GRIK1: variants seen among roughly 807,000 people sequenced by gnomAD.
GRIK1 encodes the protein glutamate ionotropic receptor kainate type subunit 1, also known as glutamate receptor ionotropic, kainate 1.
Under a neutral mutation model 105.7 loss-of-function variants are expected in GRIK1, and 69 were observed. That is an observed-to-expected ratio of 0.65 (90% CI 0.54 to 0.80). The LOEUF (loss-of-function observed/expected upper bound fraction) is 0.80. GRIK1 is among the 30% of genes least tolerant of loss of function. GRIK1 has a pLI of 0.00. For synonymous variants in GRIK1, 438 were observed against 431.3 expected, an observed-to-expected ratio of 1.02 and a Z score of -0.19; for missense variants, 1,109 against 1,167.3, an observed-to-expected ratio of 0.95 and a Z score of 0.73.
At chr21:29,903,068 T>G (rs1243015742) in intron 1 of GRIK1, among the ~76,000 whole-genome samples, 3 of 152,220 alleles carry the variant, frequency 2.0e-5, no homozygotes, top group Admixed American at 6.5e-5. Context: ...TTGGGAAAAC[T>G]GGCTAGCCAT....
intron 1 of GRIK1, among the ~76,000 whole-genome samples, chr21:29,790,724 A>T (rs2066390880): frequency 6.6e-6 from 1 of 152,188 alleles, no homozygotes; most frequent in African/African-American, 2.4e-5. Flanking sequence ...GAGTGCTGGG[A>T]TTACAGGGAT....
At chr21:29,878,352 G>A (rs2069269910) in intron 1 of GRIK1, among the ~76,000 whole-genome samples, 1 of 152,096 alleles carries the variant, frequency 6.6e-6, no homozygotes, top group Non-Finnish European at 1.5e-5. Context: ...GCTAGGAGAT[G>A]GAGACAAGAA....
chr21:29,864,939 A>G (rs2068754812), intron 1 of GRIK1, among the ~76,000 whole-genome samples: 1 of 152,164 alleles, frequency 6.6e-6, no homozygotes, highest in Non-Finnish European at 1.5e-5. Context: ...TATTTAAGGG[A>G]CAGAGGCCAA....
At chr21:29,784,090 A>T (rs1408247369) in intron 1 of GRIK1, among the ~76,000 whole-genome samples, 2 of 152,150 alleles carry the variant, frequency 1.3e-5, no homozygotes, top group Non-Finnish European at 2.9e-5. Context: ...GTTGTTTTTT[A>T]AAAATAGTAT....
In GRIK1 at chr21:29,939,734, C is replaced by T. The variant is rs902878942; in HGVS notation, c.-234G>A. On this transcript the variant is annotated 5_prime_UTR_variant, in exon 1 of 18. Transcript: ENST00000327783. ...TGTCGCTAGCCCATCACGGCTCCTCCTCCTCCTCTTCCATGGGCCGCAGAC... is the reference window on the plus strand; with the variant it reads ...TGTCGCTAGCCCATCACGGCTCCTCTTCCTCCTCTTCCATGGGCCGCAGAC... 4 of 400,232 alleles carry T rather than the reference C, an allele frequency of 1.0e-5. No homozygotes were observed. The highest frequency in any genetic ancestry group is 8.3e-5 in the African/African-American group (4 of 47,996). The allele number at this position is 400,232 out of a possible 1,614,324, so 24.8% of individuals were successfully genotyped here. A position where few individuals can be genotyped will look rare whatever the true frequency, so the allele number is the denominator to read the frequency against.
intron 14 of GRIK1, among the ~76,000 whole-genome samples, chr21:29,576,024 C>T (rs977680744): frequency 1.3e-5 from 2 of 151,784 alleles, no homozygotes; most frequent in Non-Finnish European, 2.9e-5. Context: ...TGCACATTTA[C>T]CACCATTAAT....
At chr21:29,662,453 C>A (rs1268060919) in intron 4 of GRIK1, among the ~76,000 whole-genome samples, 1 of 152,048 alleles carries the variant, frequency 6.6e-6, no homozygotes, top group Non-Finnish European at 1.5e-5. Flanking sequence ...ACGGAGGAAA[C>A]AAATTTTAAC....
chr21:29,593,989 A>G (rs532142935), intron 9 of GRIK1, among the ~76,000 whole-genome samples: 143 of 152,334 alleles, frequency 9.4e-4, no homozygotes, highest in South Asian at 1.7e-3. Context: ...TTTCCTTCTT[A>G]AAATGAGAAA....
chr21:29,821,077 T>C (rs540995680), intron 1 of GRIK1, among the ~76,000 whole-genome samples: 5 of 150,278 alleles, frequency 3.3e-5, no homozygotes, highest in Admixed American at 6.6e-5. Context: ...AAAAAATCCA[T>C]GTATAACTGT....
intron 1 of GRIK1, among the ~76,000 whole-genome samples, chr21:29,870,855 G>A (rs554531618): frequency 1.3e-5 from 2 of 151,832 alleles, no homozygotes; most frequent in African/African-American, 4.8e-5. Context: ...CTAACAATGG[G>A]CTCACGGTTA....
chr21:29,630,122 T>A (rs1214868166), intron 7 of GRIK1, among the ~76,000 whole-genome samples: 2 of 152,094 alleles, frequency 1.3e-5, no homozygotes, highest in African/African-American at 2.4e-5. Flanking sequence ...CCTGAAAAGG[T>A]AGTATTCTAG....
chr21:29,573,410 A>G (rs1277050244), intron 14 of GRIK1, among the ~76,000 whole-genome samples: 1 of 152,212 alleles, frequency 6.6e-6, no homozygotes, highest in Non-Finnish European at 1.5e-5. Context: ...CGCTCTTTTT[A>G]TACTTAAAGA....
At position 29,654,737 on chromosome 21, in the gene GRIK1, G is replaced by T. The variant is rs544999731; in HGVS notation, c.780+73C>A. Reference sequence around the variant, plus strand: ...ACAATATCCTGCCTTTGACACTGGTGAGGCCGACTCTGAAATAACTGTGTG... The same window carrying T: ...ACAATATCCTGCCTTTGACACTGGTTAGGCCGACTCTGAAATAACTGTGTG... On this transcript the variant is annotated intron_variant, in intron 5 of 17. Coordinates refer to ENST00000327783, the MANE Select transcript of GRIK1 (RefSeq NM_001330994.2). 1.3e-4 allele frequency: 117 copies of T among 872,348 alleles called. 1 individual carries two copies. The South Asian group carries it at 1.5e-3, about 11-fold the overall frequency. 54.0% of individuals were successfully genotyped at this position (872,348 alleles called of 1,614,324 possible). A position where few individuals can be genotyped will look rare whatever the true frequency, so the allele number is the denominator to read the frequency against.
intron 7 of GRIK1, among the ~76,000 whole-genome samples, chr21:29,615,116 G>A (rs1434646002): frequency 6.6e-6 from 1 of 151,538 alleles, no homozygotes; most frequent in African/African-American, 2.4e-5. Flanking sequence ...AACCCTTTTG[G>A]ATGGAATGCA....
At position 29,884,705 on chromosome 21, in the gene GRIK1, G is replaced by A. The variant is rs190233427; in HGVS notation, c.118+54678C>T. ...TATTGTGCTACATGCTTTACTTAAA[G>A]TAGTTATTATCTCCACCTTCAAGAC... On this transcript the variant is annotated intron_variant, in intron 1 of 17. Coordinates refer to ENST00000327783, the MANE Select transcript of GRIK1 (RefSeq NM_001330994.2). Among the ~76,000 whole-genome samples the A allele has an allele frequency of 1.4e-4, 21 of 152,160 alleles. 1 individual carries two copies. The highest frequency in any genetic ancestry group is 3.9e-4 in the African/African-American group (16 of 41,534).
At chr21:29,593,453 T>G (rs1247290161) in intron 9 of GRIK1, among the ~76,000 whole-genome samples, 1 of 152,304 alleles carries the variant, frequency 6.6e-6, no homozygotes, top group Admixed American at 6.5e-5. Flanking sequence ...CATCCCTTCT[T>G]CTGAGGCAGG....
chr21:29,903,057 A>T (rs761673222), intron 1 of GRIK1, among the ~76,000 whole-genome samples: 2 of 152,102 alleles, frequency 1.3e-5, no homozygotes, highest in Non-Finnish European at 2.9e-5. Flanking sequence ...AATAAATGAT[A>T]TTGGGAAAAC....
intron 14 of GRIK1, among the ~76,000 whole-genome samples, chr21:29,570,457 G>A (rs532050582): frequency 6.6e-6 from 1 of 151,016 alleles, no homozygotes; most frequent in East Asian, 2.0e-4. Context: ...AGCCAAGATC[G>A]CACCATTGCA....
intron 1 of GRIK1, among the ~76,000 whole-genome samples, chr21:29,728,618 G>A (rs1405207194): frequency 1.3e-5 from 2 of 152,156 alleles, no homozygotes; most frequent in African/African-American, 2.4e-5. Context: ...AGTGGAGAAT[G>A]CAGTGTGTCA....
Sources: gnomAD v4.1 joint callset for allele counts (sites outside exome capture counted in the v4.1 genomes callset) on GRCh38, gnomAD v4.1.1 for gene constraint, MANE v1.5 for transcripts, NCBI Gene and HGNC (gene_info 2026-07-23, HGNC 2026-07-21) for gene names.